SLC35D1: variants seen among roughly 807,000 people sequenced by gnomAD.
The protein encoded by SLC35D1 is solute carrier family 35 member D1, also known as nucleotide sugar transporter SLC35D1.
SLC35D1 carries 31 observed loss-of-function variants against 46.7 expected under a neutral mutation model. That is an observed-to-expected ratio of 0.66 (90% CI 0.50 to 0.90). SLC35D1 has a LOEUF of 0.90. Ranked by LOEUF, SLC35D1 falls within the 40% of genes least tolerant of loss-of-function variation. The probability of loss-of-function intolerance (pLI) is 0.00; values close to 1 mark genes in which losing one functional copy is unlikely to be tolerated. For missense variants in SLC35D1, 397 were observed against 426.2 expected (o/e 0.93, Z 0.60); for synonymous variants, 195 against 164.6 (o/e 1.18, Z -1.41).
At chr1:66,991,752 A>G in the SLC35D1 span, among the ~76,000 whole-genome samples, 1 of 151,396 alleles carries the variant, frequency 6.6e-6, no homozygotes, top group East Asian at 1.9e-4. Context: ...ATAGCCTAAA[A>G]TATTATTTTA....
At chr1:67,029,797 A>C (rs1324967373) in intron 8 of SLC35D1, among the ~76,000 whole-genome samples, 1 of 152,182 alleles carries the variant, frequency 6.6e-6, no homozygotes, top group Admixed American at 6.5e-5. Flanking sequence ...GTTTTATTTC[A>C]CATTTATCTG....
Position 67,003,896 on chromosome 1 carries a change from G to C in SLC35D1, c.*444C>G. ...CATAAGAAATAAGATTCAAAGAAGAGAAATTTCACATATTCGTCTGCATTT... is the reference window on the plus strand; with the variant it reads ...CATAAGAAATAAGATTCAAAGAAGACAAATTTCACATATTCGTCTGCATTT... On this transcript the variant is annotated 3_prime_UTR_variant, in exon 12 of 12. Coordinates refer to ENST00000235345, the MANE Select transcript of SLC35D1 (RefSeq NM_015139.3). The C allele has an allele frequency of 4.9e-6, 1 of 205,290 alleles. No individual in the cohort carries two copies. The highest frequency in any genetic ancestry group is 1.0e-5 in the Non-Finnish European group (1 of 100,052). The allele number at this position is 205,290 out of a possible 1,614,324, so 12.7% of individuals were successfully genotyped here. A position where few individuals can be genotyped will look rare whatever the true frequency, so the allele number is the denominator to read the frequency against.
the SLC35D1 span, among the ~76,000 whole-genome samples, chr1:66,975,159 C>CT: frequency 1.3e-5 from 2 of 152,142 alleles, no homozygotes; most frequent in African/African-American, 4.8e-5. Flanking sequence ...AGAATATTTA[C>CT]TTCAAGAGCA....
chr1:66,994,630 C>T (rs1433421223), downstream of SLC35D1, among the ~76,000 whole-genome samples: 2 of 148,534 alleles, frequency 1.3e-5, no homozygotes, highest in East Asian at 2.0e-4. Flanking sequence ...GGCGACAGAG[C>T]GAGACTCTGT....
At chr1:67,052,296 G>A (rs1645317858) in intron 3 of SLC35D1, among the ~76,000 whole-genome samples, 1 of 152,126 alleles carries the variant, frequency 6.6e-6, no homozygotes, top group Non-Finnish European at 1.5e-5. Context: ...GGAAGGCAGG[G>A]AGAAAAGACA....
intron 7 of SLC35D1, 124 bp from the exon 8 acceptor site, chr1:67,042,452 C>T: frequency 2.4e-6 from 2 of 835,524 alleles, no homozygotes; most frequent in Admixed American, 1.8e-5. Flanking sequence ...ACAACATACA[C>T]AGCAAATGAA....
chr1:67,004,475 G>T (rs1667405447), intron 11 of SLC35D1, 27 bp from the exon 12 acceptor site: 1 of 1,596,840 alleles, frequency 6.3e-7, no homozygotes, highest in Non-Finnish European at 8.6e-7. Context: ...CACTATCAGA[G>T]ATGGAGGAAG....
intron 11 of SLC35D1, among the ~76,000 whole-genome samples, chr1:67,005,172 C>T (rs2755254): frequency 0.58 from 88,215 of 152,070 alleles, 27,761 homozygotes; most frequent in East Asian, 0.84. Flanking sequence ...ACCACTCCTG[C>T]CCTGTCCTCC....
intron 8 of SLC35D1, among the ~76,000 whole-genome samples, chr1:67,035,594 T>A (rs1668106409): frequency 6.6e-6 from 1 of 151,668 alleles, no homozygotes; most frequent in African/African-American, 2.4e-5. Flanking sequence ...TTTTTCTTAG[T>A]CTGGCTAAAG....
At chr1:66,994,004 C>T in the SLC35D1 span, among the ~76,000 whole-genome samples, 2 of 151,958 alleles carry the variant, frequency 1.3e-5, no homozygotes, top group South Asian at 4.1e-4. Context: ...TGGATCAAAA[C>T]TTACTGGCTT....
chr1:66,974,883 A>G, the SLC35D1 span, among the ~76,000 whole-genome samples: 4 of 152,296 alleles, frequency 2.6e-5, no homozygotes, highest in East Asian at 5.8e-4. Flanking sequence ...GATTTTTCAT[A>G]ATCTTAACTT....
rs1454884896 is a variant in SLC35D1 at position 67,003,425 on chromosome 1, C to T, written c.*915G>A. 1 of 152,266 alleles carries T rather than the reference C, an allele frequency of 6.6e-6. No individual in the cohort carries two copies. Among genetic ancestry groups the T allele is most frequent in the Non-Finnish European group, 1.5e-5 (1 of 68,058 alleles). The allele number at this position is 152,266 out of a possible 1,614,324, so 9.4% of individuals were successfully genotyped here. The stretch of plus-strand genomic sequence containing the variant: ...TTGCCGGGTAGGTAGGGCAGGTGTT[C>T]TTAATCCAATTTACAGATTTGCGGC... On this transcript the variant is annotated 3_prime_UTR_variant, in exon 12 of 12. Coordinates refer to ENST00000235345, the MANE Select transcript of SLC35D1 (RefSeq NM_015139.3).
At chr1:67,031,807 T>G (rs1292932110) in intron 8 of SLC35D1, among the ~76,000 whole-genome samples, 2 of 152,170 alleles carry the variant, frequency 1.3e-5, no homozygotes, top group African/African-American at 4.8e-5. Flanking sequence ...TAGACAGAAT[T>G]TACATACAGA....
the SLC35D1 span, chr1:66,984,863 A>G: frequency 2.5e-6 from 4 of 1,597,542 alleles, no homozygotes; most frequent in South Asian, 2.3e-5. Context: ...GCAGTCTCAC[A>G]TGGGAAATTT....
At chr1:67,052,665 G>T in intron 3 of SLC35D1, 106 bp downstream of exon 3, 2 of 1,099,438 alleles carry the variant, frequency 1.8e-6, no homozygotes, top group East Asian at 2.4e-5. Context: ...ACTCTAGACT[G>T]GGCAATTTTG....
chr1:67,053,071 T>C (rs1445558149), intron 1 of SLC35D1, 82 bp from the exon 2 acceptor site: 2 of 1,470,098 alleles, frequency 1.4e-6, no homozygotes, highest in Non-Finnish European at 1.9e-6. Flanking sequence ...TCGGCAACGT[T>C]AATAAGGCAT....
chr1:66,986,009 T>C, the SLC35D1 span: 1 of 991,404 alleles, frequency 1.0e-6, no homozygotes, highest in Non-Finnish European at 1.2e-6. Flanking sequence ...TCCTGTTATT[T>C]TTATATGCAT....
At chr1:66,992,033 T>C in the SLC35D1 span, among the ~76,000 whole-genome samples, 1 of 152,228 alleles carries the variant, frequency 6.6e-6, no homozygotes, top group Admixed American at 6.5e-5. Context: ...AATGATCAGG[T>C]AGGTAATAGT....
the SLC35D1 span, among the ~76,000 whole-genome samples, chr1:66,974,000 A>G: frequency 6.6e-6 from 1 of 151,950 alleles, no homozygotes; most frequent in Admixed American, 6.6e-5. Flanking sequence ...TTTTTGACAC[A>G]TATTTAATAT....
Sources: gnomAD v4.1 joint callset for allele counts (sites outside exome capture counted in the v4.1 genomes callset) on GRCh38, gnomAD v4.1.1 for gene constraint, MANE v1.5 for transcripts, NCBI Gene and HGNC (gene_info 2026-07-23, HGNC 2026-07-21) for gene names.